The following CHLSN variants were observed in gnomAD, a reference collection of about 807,000 sequenced individuals.
The protein encoded by CHLSN is protein cholesin.
chr7:1,117,365 C>T, the CHLSN span, among the ~76,000 whole-genome samples: 158 of 28,754 alleles, frequency 5.5e-3, 12 homozygotes, highest in Middle Eastern at 0.033. Context: ...ATCACTGCAG[C>T]TCTACGGACC....
chr7:1,114,330 C>G, the CHLSN span, among the ~76,000 whole-genome samples: 1 of 152,262 alleles, frequency 6.6e-6, no homozygotes, highest in East Asian at 1.9e-4. Flanking sequence ...CCGCCCGCAG[C>G]TGGGGAGTGA....
the CHLSN span, among the ~76,000 whole-genome samples, chr7:1,125,457 G>C: frequency 1.3e-5 from 2 of 152,188 alleles, no homozygotes; most frequent in Non-Finnish European, 2.9e-5. Flanking sequence ...TGTCACCCTG[G>C]GGAAGTGAAC....
chr7:1,034,308 GACAGA>G, the CHLSN span, among the ~76,000 whole-genome samples: 9 of 151,940 alleles, frequency 5.9e-5, no homozygotes, highest in Non-Finnish European at 1.3e-4. Context: ...TGTGTTAATG[GACAGA>G]ACAGACAGCA....
the CHLSN span, among the ~76,000 whole-genome samples, chr7:1,073,770 CCCA>C: frequency 3.5e-5 from 4 of 115,164 alleles, no homozygotes; most frequent in Non-Finnish European, 5.4e-5. Flanking sequence ...GCCGTCACTC[CCCA>C]CGACCCCCCA....
At chr7:999,778 C>T in the CHLSN span, among the ~76,000 whole-genome samples, 4 of 152,314 alleles carry the variant, frequency 2.6e-5, no homozygotes, top group East Asian at 1.9e-4. Context: ...GGAGAGCCAG[C>T]GAGGCAGGAG....
the CHLSN span, among the ~76,000 whole-genome samples, chr7:1,088,755 CT>C: frequency 6.6e-6 from 1 of 152,134 alleles, no homozygotes; most frequent in Admixed American, 6.6e-5. The surrounding 1 kb of genome is among the most constrained non-coding windows in gnomAD (Gnocchi z 4.5). Context: ...GGCTTTATTT[CT>C]CTATGACAAG....
the CHLSN span, chr7:1,092,641 A>G: frequency 6.2e-7 from 1 of 1,612,218 alleles, no homozygotes; most frequent in Non-Finnish European, 8.5e-7. Flanking sequence ...CCACCCCCTC[A>G]CGGGCCACAT....
At chr7:1,040,721 A>T in the CHLSN span, among the ~76,000 whole-genome samples, 1 of 151,144 alleles carries the variant, frequency 6.6e-6, no homozygotes, top group Non-Finnish European at 1.5e-5. Flanking sequence ...ATTAGACTTC[A>T]CCAAAATTAA....
the CHLSN span, among the ~76,000 whole-genome samples, chr7:991,447 T>A: frequency 7.0e-6 from 1 of 143,456 alleles, no homozygotes; most frequent in Non-Finnish European, 1.5e-5. Context: ...CTTTAACTCA[T>A]GCCCATGGGC....
the CHLSN span, chr7:985,336 C>T: frequency 6.5e-7 from 1 of 1,548,022 alleles, no homozygotes; most frequent in South Asian, 1.2e-5. Context: ...GAGGAGCTGC[C>T]TCCCATCCTT....
At chr7:1,085,886 G>C in the CHLSN span, among the ~76,000 whole-genome samples, 1 of 151,998 alleles carries the variant, frequency 6.6e-6, no homozygotes, top group Admixed American at 6.6e-5. Flanking sequence ...CTTACAAATA[G>C]TCCACGAGAT....
the CHLSN span, among the ~76,000 whole-genome samples, chr7:1,061,603 A>G: frequency 2.6e-5 from 4 of 152,250 alleles, no homozygotes; most frequent in South Asian, 8.3e-4. Context: ...ACCTGGGAAG[A>G]TTCGGCACCT....
At chr7:1,036,510 C>T in the CHLSN span, among the ~76,000 whole-genome samples, 2 of 150,916 alleles carry the variant, frequency 1.3e-5, no homozygotes, top group African/African-American at 4.9e-5. Context: ...TTCGGGTGCT[C>T]GTGGTGTGGC....
At chr7:1,036,006 C>T in the CHLSN span, among the ~76,000 whole-genome samples, 13 of 152,124 alleles carry the variant, frequency 8.5e-5, no homozygotes, top group African/African-American at 2.7e-4. Context: ...TGACAGGTGC[C>T]GGCTGAAAAG....
chr7:986,564 T>G, the CHLSN span: 2 of 1,586,822 alleles, frequency 1.3e-6, no homozygotes. Context: ...GATCACCGCC[T>G]GCCCAGCGTG....
chr7:1,064,732 C>A, the CHLSN span, among the ~76,000 whole-genome samples: 1 of 152,196 alleles, frequency 6.6e-6, no homozygotes, highest in Non-Finnish European at 1.5e-5. Flanking sequence ...GGATGTGGGG[C>A]CAGCAGGGAC....
At chr7:1,017,480 G>A in the CHLSN span, among the ~76,000 whole-genome samples, 14 of 152,340 alleles carry the variant, frequency 9.2e-5, no homozygotes, top group Admixed American at 3.3e-4. Context: ...GATGTCAGCC[G>A]GGTGACGGGG....
the CHLSN span, among the ~76,000 whole-genome samples, chr7:1,108,886 C>T: frequency 6.7e-6 from 1 of 149,914 alleles, no homozygotes; most frequent in Non-Finnish European, 1.5e-5. Context: ...TGTGATATTT[C>T]TCCCAGGCAT....
At chr7:1,125,017 T>C in the CHLSN span, among the ~76,000 whole-genome samples, 1 of 152,198 alleles carries the variant, frequency 6.6e-6, no homozygotes, top group Non-Finnish European at 1.5e-5. Context: ...GAGACGACCC[T>C]CTGAGACAGC....
Sources: allele counts gnomAD v4.1 joint callset (sites outside exome capture counted in the v4.1 genomes callset), GRCh38; gene constraint gnomAD v4.1.1; non-coding constraint Gnocchi (gnomAD v3.1); transcripts MANE v1.5; gene names NCBI Gene and HGNC (gene_info 2026-07-23, HGNC 2026-07-21).